AGBL1: variants seen among roughly 807,000 people sequenced by gnomAD.
The protein encoded by AGBL1 is cytosolic carboxypeptidase 4.
In AGBL1, 130 loss-of-function variants were observed where a neutral mutation model predicts 118.9. The ratio of observed to expected loss-of-function variants is 1.09; its 90% CI spans 0.95 to 1.26. The LOEUF is 1.26. Among genes scored for constraint, AGBL1 ranks in the 50% most tolerant of loss-of-function variants. The probability of loss-of-function intolerance (pLI) is 0.00; values close to 1 mark genes in which losing one functional copy is unlikely to be tolerated. For missense variants in AGBL1, 1,584 were observed against 1,298.1 expected, an observed-to-expected ratio of 1.22 and a Z score of -3.38; for synonymous variants, 555 against 478.9, an observed-to-expected ratio of 1.16 and a Z score of -2.08.
At chr15:87,028,949 G>A in exon 25 of AGBL1, 1 of 1,276,070 alleles carries the variant, frequency 7.8e-7, no homozygotes, top group Non-Finnish European at 1.1e-6. Context: ...CATGTCTTAT[G>A]GAAAATGTTG....
At chr15:86,494,703 G>A (rs1246302388) in intron 18 of AGBL1, among the ~76,000 whole-genome samples, 1 of 151,912 alleles carries the variant, frequency 6.6e-6, no homozygotes, top group Non-Finnish European at 1.5e-5. Context: ...CTTTTATTTA[G>A]AACTATCCTT....
intron 19 of AGBL1, among the ~76,000 whole-genome samples, chr15:86,543,730 C>G (rs536659111): frequency 6.6e-6 from 1 of 152,332 alleles, no homozygotes; most frequent in African/African-American, 2.4e-5. Context: ...AATCAACCAA[C>G]TGGCCCTACC....
At chr15:86,975,831 G>A (rs1423595907) in intron 23 of AGBL1, among the ~76,000 whole-genome samples, 1 of 152,168 alleles carries the variant, frequency 6.6e-6, no homozygotes, top group Non-Finnish European at 1.5e-5. Context: ...AGAACACCTG[G>A]TCAGTTCTTT....
At chr15:86,662,190 C>T (rs866989242) in intron 21 of AGBL1, among the ~76,000 whole-genome samples, 6 of 152,194 alleles carry the variant, frequency 3.9e-5, no homozygotes, top group African/African-American at 1.4e-4. Context: ...AATGTGCATA[C>T]ACACACATAT....
At chr15:86,638,223 A>G (rs1051992163) in intron 21 of AGBL1, among the ~76,000 whole-genome samples, 9 of 152,236 alleles carry the variant, frequency 5.9e-5, no homozygotes, top group African/African-American at 1.2e-4. Flanking sequence ...AAATATTGCA[A>G]TACAACAGTT....
At chr15:86,946,470 A>G (rs982368081) in intron 23 of AGBL1, 3 of 151,472 alleles carry the variant, frequency 2.0e-5, no homozygotes, top group Non-Finnish European at 4.4e-5. Context: ...ACATGAACAC[A>G]TGAGTCCATA....
At chr15:86,634,417 G>A (rs1009267615) in intron 21 of AGBL1, among the ~76,000 whole-genome samples, 7 of 152,154 alleles carry the variant, frequency 4.6e-5, no homozygotes, top group Non-Finnish European at 1.0e-4. Flanking sequence ...CATGGATGAA[G>A]CTTAAAAACA....
intron 22 of AGBL1, among the ~76,000 whole-genome samples, chr15:86,678,334 T>C (rs944013253): frequency 6.6e-6 from 1 of 152,162 alleles, no homozygotes; most frequent in Non-Finnish European, 1.5e-5. Context: ...TGTTCCTATT[T>C]TAAAACTTTT....
intron 21 of AGBL1, among the ~76,000 whole-genome samples, chr15:86,600,957 C>G (rs990389062): frequency 6.6e-6 from 1 of 152,132 alleles, no homozygotes; most frequent in African/African-American, 2.4e-5. Flanking sequence ...TAAGCTCTGA[C>G]ATTTTCCAAG....
intron 1 of AGBL1, among the ~76,000 whole-genome samples, chr15:86,115,544 G>A (rs1435427048): frequency 6.6e-6 from 1 of 152,192 alleles, no homozygotes; most frequent in African/African-American, 2.4e-5. Context: ...AAGGCCGGAG[G>A]TAGTGAAATG....
At chr15:86,366,041 C>A (rs1272611253) in intron 17 of AGBL1, among the ~76,000 whole-genome samples, 2 of 152,090 alleles carry the variant, frequency 1.3e-5, no homozygotes, top group African/African-American at 4.8e-5. Context: ...TTCCTTTAGC[C>A]CTTTGTGTCC....
chr15:86,633,192 C>T (rs2085005878), intron 21 of AGBL1, among the ~76,000 whole-genome samples: 1 of 152,028 alleles, frequency 6.6e-6, no homozygotes, highest in Admixed American at 6.6e-5. Context: ...AAAAGTGGTG[C>T]AGCTCTGAAA....
chr15:86,688,575 G>A (rs181928739), intron 22 of AGBL1, among the ~76,000 whole-genome samples: 1 of 152,270 alleles, frequency 6.6e-6, no homozygotes, highest in African/African-American at 2.4e-5. Context: ...GATGTCAGGA[G>A]GGCATGGGAT....
intron 5 of AGBL1, among the ~76,000 whole-genome samples, chr15:86,223,555 T>G (rs1429235772): frequency 6.6e-6 from 1 of 152,142 alleles, no homozygotes; most frequent in Non-Finnish European, 1.5e-5. Flanking sequence ...TCAACAACAG[T>G]GGGATTGAAG....
At chr15:86,789,779 C>T (rs968236848) in intron 22 of AGBL1, among the ~76,000 whole-genome samples, 1 of 152,098 alleles carries the variant, frequency 6.6e-6, no homozygotes, top group African/African-American at 2.4e-5. Context: ...CAAGTGAGTG[C>T]TTCTGATGAT....
chr15:86,726,715 C>G (rs931577684), intron 22 of AGBL1, among the ~76,000 whole-genome samples: 1 of 152,132 alleles, frequency 6.6e-6, no homozygotes, highest in Admixed American at 6.5e-5. Context: ...GCAGGCACCA[C>G]CATGCCCAGC....
At chr15:86,693,944 A>C (rs8028698) in intron 22 of AGBL1, among the ~76,000 whole-genome samples, 1 of 152,028 alleles carries the variant, frequency 6.6e-6, no homozygotes, top group Non-Finnish European at 1.5e-5. Flanking sequence ...ATTCTGTTCC[A>C]TTGGTCTATG....
intron 23 of AGBL1, among the ~76,000 whole-genome samples, chr15:86,963,635 C>T (rs2081016302): frequency 6.6e-6 from 1 of 151,920 alleles, no homozygotes; most frequent in South Asian, 2.1e-4. Context: ...CATTATTTAT[C>T]GGTGTATCCT....
intron 6 of AGBL1, among the ~76,000 whole-genome samples, chr15:86,228,816 G>C (rs1459351615): frequency 6.6e-6 from 1 of 152,112 alleles, no homozygotes; most frequent in Non-Finnish European, 1.5e-5. Context: ...TCTCTTTCTG[G>C]GCAATAGCAG....
Sources: gnomAD v4.1 joint callset for allele counts (sites outside exome capture counted in the v4.1 genomes callset) on GRCh38, gnomAD v4.1.1 for gene constraint, MANE v1.5 for transcripts, NCBI Gene and HGNC (gene_info 2026-07-23, HGNC 2026-07-21) for gene names.